Variants in PREX1 observed in about 807,000 individuals in gnomAD.
The protein encoded by PREX1 is phosphatidylinositol 3,4,5-trisphosphate-dependent Rac exchanger 1 protein.
In PREX1, 41 loss-of-function variants were observed where a neutral mutation model predicts 198.3. The ratio of observed to expected loss-of-function variants is 0.21; its 90% confidence interval spans 0.16 to 0.27. PREX1 has a LOEUF of 0.27. Among genes scored for constraint, PREX1 ranks in the 10% least tolerant of loss-of-function variants. The pLI, the probability that PREX1 is intolerant of heterozygous loss-of-function variation, is 1.00. For synonymous variants in PREX1, 843 were observed against 887.2 expected, an observed-to-expected ratio of 0.95 and a Z score of 0.89; for missense variants, 1,620 against 2,200.7, an observed-to-expected ratio of 0.74 and a Z score of 5.28.
intron 11 of PREX1, among the ~76,000 whole-genome samples, chr20:48,680,881 C>T (rs2089744741): frequency 7.8e-6 from 1 of 128,518 alleles, no homozygotes; most frequent in African/African-American, 3.3e-5. Context: ...TCCATGACGA[C>T]AGGCACGTCC....
intron 37 of PREX1, among the ~76,000 whole-genome samples, chr20:48,628,943 G>A (rs1395657826): frequency 6.6e-6 from 1 of 152,132 alleles, no homozygotes; most frequent in Non-Finnish European, 1.5e-5. Context: ...CCCAATGAAG[G>A]CTGTCTGGGG....
In PREX1 at chr20:48,633,216, C is replaced by T. The variant is rs4810848; in HGVS notation, c.4268-577G>A. Among the ~76,000 whole-genome samples the T allele has an allele frequency of 2.6e-3, 395 of 152,330 alleles. 7 individuals are homozygous for T. Among genetic ancestry groups the T allele is most frequent in the East Asian group, 0.019 (100 of 5,178 alleles). On this transcript the variant is annotated intron_variant, in intron 33 of 39. Coordinates refer to ENST00000371941, the MANE Select transcript of PREX1 (RefSeq NM_020820.4). ...GGCAGCTGCTGCTGCCTATCAATTC[C>T]AATTGCTACTCAAAGAGAACCTGCC...
intron 1 of PREX1, among the ~76,000 whole-genome samples, chr20:48,798,495 C>A (rs1332791636): frequency 2.6e-5 from 4 of 152,222 alleles, no homozygotes; most frequent in African/African-American, 9.6e-5. Context: ...CTGGAAGGCC[C>A]TGCATGCTCT....
the PREX1 span, among the ~76,000 whole-genome samples, chr20:48,873,800 C>T: frequency 3.3e-5 from 5 of 152,210 alleles, no homozygotes; most frequent in South Asian, 2.1e-4. Flanking sequence ...GCGGAAAATA[C>T]GTCACCATGC....
At position 48,690,955 on chromosome 20, in the gene PREX1, T is replaced by A; in HGVS notation, c.1178A>T (p.Gln393Leu). The change falls in exon 9 of 40, where the codon CAG becomes CTG. Residue 393 changes from glutamine (Q) to leucine (L), a missense_variant. Physicochemically the swap from Gln to Leu is moderately radical, Grantham distance 113. Coordinates refer to ENST00000371941, the MANE Select transcript of PREX1 (RefSeq NM_020820.4). The part of the protein sequence containing the change: ...WLDAIIRERE[Q>L]RESLKLGMER... ...CCAAAGCTGCTGCTCACTCTCGCGC[T>A]GCTCCCGCTCGCGGATGATGGCATC... 1 of 1,614,018 alleles carries A rather than the reference T, an allele frequency of 6.2e-7. No homozygotes were observed. Among genetic ancestry groups the A allele is most frequent in the Non-Finnish European group, 8.5e-7 (1 of 1,180,042 alleles).
Position 48,776,886 on chromosome 20 carries a change from G to C in PREX1, c.220-29006C>G, listed in dbSNP as rs144612928. On this transcript the variant is annotated intron_variant, in intron 1 of 39. Transcript: ENST00000371941. The stretch of plus-strand genomic sequence containing the variant: ...ATCCCATTTTACAGATGAGAAAACT[G>C]AGGCACACTCACAGGTAAAGCATCA... Among the ~76,000 whole-genome samples the C allele has an allele frequency of 2.0e-5, 3 of 152,244 alleles. No individual in the cohort carries two copies. The East Asian group carries it at 5.8e-4, about 29-fold the overall frequency.
intron 7 of PREX1, among the ~76,000 whole-genome samples, chr20:48,698,734 A>T (rs911096793): frequency 1.3e-5 from 2 of 152,204 alleles, no homozygotes; most frequent in Non-Finnish European, 1.5e-5. Context: ...CTGTGGTTTC[A>T]GAGCCTCCTG....
chr20:48,792,599 A>T (rs957787270), intron 1 of PREX1, among the ~76,000 whole-genome samples: 4 of 152,186 alleles, frequency 2.6e-5, no homozygotes, highest in Non-Finnish European at 5.9e-5. Context: ...AAAGCCCAAG[A>T]GAAATAAAAA....
the PREX1 span, among the ~76,000 whole-genome samples, chr20:48,857,736 G>A: frequency 1.3e-5 from 2 of 152,234 alleles, no homozygotes; most frequent in South Asian, 4.1e-4. Context: ...TTTCGCCACT[G>A]CACTCCAGCC....
At chr20:48,885,569 T>C in the PREX1 span, among the ~76,000 whole-genome samples, 15 of 152,176 alleles carry the variant, frequency 9.9e-5, no homozygotes, top group Non-Finnish European at 1.8e-4. Flanking sequence ...CCCAAAGGAA[T>C]TGAAAACGTA....
At chr20:48,689,384 G>A (rs141751780) in intron 9 of PREX1, among the ~76,000 whole-genome samples, 3 of 152,290 alleles carry the variant, frequency 2.0e-5, no homozygotes, top group Non-Finnish European at 4.4e-5. Flanking sequence ...AATTATCCCC[G>A]TTTTACAGAT....
In PREX1 at chr20:48,701,770, C is replaced by T. The variant is rs569966313; in HGVS notation, c.784-884G>A. On this transcript the variant is annotated intron_variant, in intron 6 of 39. Coordinates refer to ENST00000371941, the MANE Select transcript of PREX1 (RefSeq NM_020820.4). ...CATCTAGCTAAGCTAAAGATTTACA[C>T]GTCAATCCCAAACCTGGTCACCTAT... is the stretch of plus-strand genomic sequence containing the variant. 2.0e-4 allele frequency among the ~76,000 whole-genome samples: 31 copies of T among 152,282 alleles called. No homozygotes were observed. The East Asian group carries it at 2.1e-3, about 10-fold the overall frequency.
At chr20:48,719,413 G>A (rs889266070) in intron 5 of PREX1, among the ~76,000 whole-genome samples, 2 of 152,140 alleles carry the variant, frequency 1.3e-5, no homozygotes, top group African/African-American at 2.4e-5. Context: ...AGCTGTGGGC[G>A]AGGTGTTGGT....
intron 1 of PREX1, among the ~76,000 whole-genome samples, chr20:48,810,970 G>C (rs1045660464): frequency 6.6e-6 from 1 of 152,098 alleles, no homozygotes; most frequent in South Asian, 2.1e-4. Flanking sequence ...CTCAGTGTTA[G>C]GAACATGTTA....
At chr20:48,809,918 T>C (rs2090426902) in intron 1 of PREX1, among the ~76,000 whole-genome samples, 1 of 152,090 alleles carries the variant, frequency 6.6e-6, no homozygotes. Context: ...CCACAGGAAG[T>C]GGAAGTCTGG....
At chr20:48,878,212 G>A in the PREX1 span, among the ~76,000 whole-genome samples, 7 of 152,168 alleles carry the variant, frequency 4.6e-5, no homozygotes, top group South Asian at 4.1e-4. Context: ...TCTCCCCTTC[G>A]TTCACTCTGC....
At chr20:48,817,777 G>A (rs1388740313) in intron 1 of PREX1, among the ~76,000 whole-genome samples, 3 of 152,152 alleles carry the variant, frequency 2.0e-5, no homozygotes, top group African/African-American at 7.2e-5. Flanking sequence ...ATCACATCAT[G>A]TAATAAAACA....
chr20:48,775,192 A>G (rs2090255622), intron 1 of PREX1, among the ~76,000 whole-genome samples: 1 of 152,180 alleles, frequency 6.6e-6, no homozygotes, highest in South Asian at 2.1e-4. Flanking sequence ...GGGGATGAGC[A>G]TGAACAAAAG....
chr20:48,827,712 C>G lies in PREX1; in HGVS notation c.149G>C (p.Arg50Pro). 7.3e-7 allele frequency: 1 copy of G among 1,365,420 alleles called. No homozygotes were observed. The highest frequency in any genetic ancestry group is 1.8e-5 in the South Asian group (1 of 56,354). The allele number at this position is 1,365,420 out of a possible 1,614,324, so 84.6% of individuals were successfully genotyped here. ...ARESERQLRL[R>P]LCVLNEILGT... ...CAAGATCTCGTTGAGGACGCAGAGG[C>G]GGAGGCGCAGCTGGCGCTCGGACTC... Residue 50 changes from arginine (R) to proline (P), a missense_variant, in exon 1 of 40, where the codon CGC (arginine) becomes CCC (proline). Physicochemically the swap from Arg to Pro is moderately radical, Grantham distance 103. This residue lies in a region of PREX1 where 96 missense variants were observed against 98.7 expected (regional missense o/e 0.97). Coordinates refer to ENST00000371941, the MANE Select transcript of PREX1 (RefSeq NM_020820.4). The surrounding 1 kb of genome is among the most constrained non-coding windows in gnomAD (Gnocchi z 4.1).
Sources: allele counts gnomAD v4.1 joint callset (sites outside exome capture counted in the v4.1 genomes callset), GRCh38; gene constraint gnomAD v4.1.1; regional missense constraint gnomAD v4.1.1; non-coding constraint Gnocchi (gnomAD v3.1); transcripts MANE v1.5; gene names NCBI Gene and HGNC (gene_info 2026-07-23, HGNC 2026-07-21).